NRG3: variants seen among roughly 807,000 people sequenced by gnomAD.
NRG3 encodes the protein pro-neuregulin-3, membrane-bound isoform.
Under a neutral mutation model 66.9 loss-of-function variants are expected in NRG3, and 31 were observed. The observed-to-expected ratio is 0.46, with a 90% CI of 0.35 to 0.63. The LOEUF (loss-of-function observed/expected upper bound fraction) is 0.63, where lower values mean the gene tolerates loss of function less well. Ranked by LOEUF, NRG3 falls within the 20% of genes least tolerant of loss-of-function variation. The pLI, the probability that NRG3 is intolerant of heterozygous loss-of-function variation, is 0.00. For synonymous variants in NRG3, 393 were observed against 359.4 expected (o/e 1.09, Z -1.06); for missense variants, 910 against 878.9 (o/e 1.04, Z -0.45).
chr10:82,806,735 A>G (rs929041854), intron 3 of NRG3, among the ~76,000 whole-genome samples: 11 of 152,204 alleles, frequency 7.2e-5, no homozygotes, highest in African/African-American at 2.4e-4. Context: ...CGTAGAGAAG[A>G]TGATGTAGAT....
intron 2 of NRG3, among the ~76,000 whole-genome samples, chr10:82,425,822 A>G (rs1265692658): frequency 3.9e-5 from 6 of 152,152 alleles, no homozygotes; most frequent in Non-Finnish European, 4.4e-5. Flanking sequence ...GGGTTCTCCT[A>G]GAGACTCCTT....
intron 1 of NRG3, among the ~76,000 whole-genome samples, chr10:82,129,750 G>A (rs939068087): frequency 6.6e-6 from 1 of 151,692 alleles, no homozygotes; most frequent in African/African-American, 2.4e-5. Flanking sequence ...TAGTAGAGAC[G>A]GGATTTCATC....
chr10:82,882,143 C>T (rs1229021255), intron 4 of NRG3, among the ~76,000 whole-genome samples: 1 of 152,172 alleles, frequency 6.6e-6, no homozygotes, highest in South Asian at 2.1e-4. Context: ...TTAAGACTTA[C>T]CACCCTTTCC....
At chr10:82,290,225 C>T (rs1358754499) in intron 1 of NRG3, among the ~76,000 whole-genome samples, 3 of 152,166 alleles carry the variant, frequency 2.0e-5, no homozygotes, top group East Asian at 1.9e-4. Flanking sequence ...CGTTATTGGT[C>T]AGCCTGAAGC....
At chr10:82,785,040 T>A (rs1454824392) in intron 3 of NRG3, among the ~76,000 whole-genome samples, 2 of 152,200 alleles carry the variant, frequency 1.3e-5, no homozygotes, top group Admixed American at 1.3e-4. Flanking sequence ...AATGATGAGT[T>A]CATGTCCTTT....
intron 1 of NRG3, among the ~76,000 whole-genome samples, chr10:82,034,033 G>T (rs1051777954): frequency 2.0e-5 from 3 of 152,216 alleles, no homozygotes; most frequent in Admixed American, 6.5e-5. Flanking sequence ...GGTGGTCAAA[G>T]AATCTTTACT....
chr10:82,664,106 C>T (rs2052575964), intron 2 of NRG3, among the ~76,000 whole-genome samples: 1 of 152,174 alleles, frequency 6.6e-6, no homozygotes, highest in African/African-American at 2.4e-5. Context: ...TTTTCTCTTA[C>T]ACCTTTACCC....
At chr10:82,396,801 CTGTG>C (rs138252090) in intron 2 of NRG3, among the ~76,000 whole-genome samples, 1 of 150,900 alleles carries the variant, frequency 6.6e-6, no homozygotes, top group African/African-American at 2.4e-5. Flanking sequence ...CTCTCTCACT[CTGTG>C]TGTGTGTGTG....
chr10:82,790,800 T>C (rs1332804858), intron 3 of NRG3, among the ~76,000 whole-genome samples: 1 of 151,956 alleles, frequency 6.6e-6, no homozygotes, highest in African/African-American at 2.4e-5. Context: ...AACCATAAAA[T>C]CTCAATTTAG....
At chr10:82,281,005 C>G (rs1180819095) in intron 1 of NRG3, among the ~76,000 whole-genome samples, 4 of 152,108 alleles carry the variant, frequency 2.6e-5, no homozygotes, top group Non-Finnish European at 4.4e-5. Context: ...TTAAATAGAT[C>G]TTATTTTTTG....
chr10:82,821,530 C>A (rs2061956342), intron 3 of NRG3, among the ~76,000 whole-genome samples: 1 of 151,564 alleles, frequency 6.6e-6, no homozygotes, highest in African/African-American at 2.4e-5. Flanking sequence ...GATTCCTGTG[C>A]CCCTTCTGAG....
At chr10:82,761,154 A>T (rs1488463549) in intron 3 of NRG3, among the ~76,000 whole-genome samples, 1 of 152,004 alleles carries the variant, frequency 6.6e-6, no homozygotes, top group Non-Finnish European at 1.5e-5. Flanking sequence ...ATATAGCAAA[A>T]ATGTAATATT....
At chr10:82,918,503 G>A (rs1846103144) in intron 4 of NRG3, among the ~76,000 whole-genome samples, 1 of 152,142 alleles carries the variant, frequency 6.6e-6, no homozygotes, top group East Asian at 1.9e-4. Flanking sequence ...GGGAAAGTAA[G>A]TTATCTTCTC....
intron 2 of NRG3, among the ~76,000 whole-genome samples, chr10:82,703,688 A>G (rs1305228167): frequency 6.6e-6 from 1 of 152,184 alleles, no homozygotes; most frequent in Non-Finnish European, 1.5e-5. Context: ...TAAGAAATTC[A>G]TAAGTTCCTG....
At chr10:82,295,014 G>A (rs944865812) in intron 1 of NRG3, among the ~76,000 whole-genome samples, 12 of 152,084 alleles carry the variant, frequency 7.9e-5, no homozygotes, top group Admixed American at 1.3e-4. Context: ...CAAGGAGCCC[G>A]GAAAATTTAA....
At chr10:82,148,218 T>A (rs934565343) in intron 1 of NRG3, among the ~76,000 whole-genome samples, 8 of 151,460 alleles carry the variant, frequency 5.3e-5, no homozygotes, top group Admixed American at 4.6e-4. Flanking sequence ...TATCACTGAT[T>A]GCGGGGGGGT....
At chr10:82,865,380 T>A (rs748723239) in intron 3 of NRG3, 31 bp from the exon 4 acceptor site, 1 of 1,611,962 alleles carries the variant, frequency 6.2e-7, no homozygotes, top group Non-Finnish European at 8.5e-7. Context: ...CTTTTTCTCT[T>A]CCCCTTCCTT....
intron 2 of NRG3, among the ~76,000 whole-genome samples, chr10:82,570,436 T>A (rs1460709416): frequency 2.6e-5 from 4 of 151,648 alleles, no homozygotes; most frequent in African/African-American, 9.7e-5. Context: ...AGTTTCCTGA[T>A]GGTAGGGAGA....
chr10:82,336,423 C>T (rs1405129107), intron 1 of NRG3, among the ~76,000 whole-genome samples: 2 of 152,100 alleles, frequency 1.3e-5, no homozygotes, highest in African/African-American at 4.8e-5. Context: ...GATTTCTAGC[C>T]TACTATCTGT....
Sources: allele counts gnomAD v4.1 joint callset (sites outside exome capture counted in the v4.1 genomes callset), GRCh38; gene constraint gnomAD v4.1.1; transcripts MANE v1.5; gene names NCBI Gene and HGNC (gene_info 2026-07-23, HGNC 2026-07-21).